The following CDNF variants were observed in gnomAD, a reference collection of about 807,000 sequenced individuals.
CDNF encodes cerebral dopamine neurotrophic factor.
Under a neutral mutation model 14.8 loss-of-function variants are expected in CDNF, and 9 were observed. That is an observed-to-expected ratio of 0.61 (90% CI 0.37 to 1.06). The LOEUF (loss-of-function observed/expected upper bound fraction) is 1.06, where lower values mean the gene tolerates loss of function less well. Ranked by LOEUF, CDNF falls within the 50% of genes least tolerant of loss-of-function variation. The probability of loss-of-function intolerance (pLI) is 0.01; values close to 1 mark genes in which losing one functional copy is unlikely to be tolerated. For synonymous variants in CDNF, 86 were observed against 87.2 expected, an observed-to-expected ratio of 0.99 and a Z score of 0.07; for missense variants, 228 against 228.4, an observed-to-expected ratio of 1.00 and a Z score of 0.01.
At chr10:14,831,532 CAT>C (rs1833843443) in intron 1 of CDNF, among the ~76,000 whole-genome samples, 1 of 148,716 alleles carries the variant, frequency 6.7e-6, no homozygotes, top group Non-Finnish European at 1.5e-5. Context: ...CATATATACA[CAT>C]ATATAATACA....
intron 3 of CDNF, among the ~76,000 whole-genome samples, chr10:14,821,859 G>A (rs1833741006): frequency 6.6e-6 from 1 of 152,176 alleles, no homozygotes; most frequent in African/African-American, 2.4e-5. Context: ...GATGGCCTTG[G>A]TTTGCGGCCA....
At position 14,828,251 on chromosome 10, in the gene CDNF, C is replaced by T. The variant is rs1482197007; in HGVS notation, c.137G>A (p.Arg46Gln). ...TCTGTCTATCAGTGACTTGTAGAAT[C>T]GGTTCAAGAATTCTTTACATACTGG... ...DCEVCKEFLN[R>Q]FYKSLIDRGV... Residue 46 changes from arginine to glutamine, a missense_variant, in exon 2 of 4, where the codon CGA (arginine) becomes CAA (glutamine). Transcript: ENST00000465530. The T allele has an allele frequency of 3.1e-6, 5 of 1,613,464 alleles. No individual in the cohort carries two copies. Among genetic ancestry groups the T allele is most frequent in the African/African-American group, 1.3e-5 (1 of 75,026 alleles).
chr10:14,823,618 C>T (rs1423481505), intron 3 of CDNF, among the ~76,000 whole-genome samples: 1 of 152,174 alleles, frequency 6.6e-6, no homozygotes, highest in Non-Finnish European at 1.5e-5. Context: ...GCCTTGACCT[C>T]CCAGGCTCAG....
chr10:14,828,485 A>G (rs963324059), intron 1 of CDNF, among the ~76,000 whole-genome samples: 4 of 151,930 alleles, frequency 2.6e-5, no homozygotes, highest in Admixed American at 2.0e-4. Flanking sequence ...TCTCTCTACT[A>G]AAATACAAAA....
At chr10:14,821,510 T>C (rs756886301) in intron 3 of CDNF, among the ~76,000 whole-genome samples, 6 of 152,196 alleles carry the variant, frequency 3.9e-5, no homozygotes, top group Non-Finnish European at 7.3e-5. Flanking sequence ...AGAGATGATT[T>C]AGAGTATACA....
In CDNF at chr10:14,826,020, AAGAAGAAGG is replaced by A. The variant is rs1564313230; in HGVS notation, c.244-409_244-401del. On this transcript the variant is annotated intron_variant, in intron 2 of 3. Coordinates refer to ENST00000465530, the MANE Select transcript of CDNF (RefSeq NM_001029954.3). ...GCAGCAGAAGAAGCAGAAGCAGAAG[AAGAAGAAGG>A]AGAAGAAGAAGAAGAAGAAGAAGAA... is the stretch of plus-strand genomic sequence containing the variant. 1.1e-3 allele frequency among the ~76,000 whole-genome samples: 120 copies of A among 113,298 alleles called. 2 individuals carry two copies. Among genetic ancestry groups the A allele is most frequent in the Middle Eastern group, 8.2e-3 (2 of 244 alleles). The allele number at this position is 113,298 out of a possible 152,430, so 74.3% of individuals were successfully genotyped here.
At position 14,822,797 on chromosome 10, in the gene CDNF, G is replaced by A. The variant is rs546470963; in HGVS notation, c.386-2639C>T. Reference sequence around the variant, plus strand: ...GTCAAATTATTTGTCAAAACCTTCCGGTAACTCTGTTCTAATTTAAAAGCT... The same window carrying A: ...GTCAAATTATTTGTCAAAACCTTCCAGTAACTCTGTTCTAATTTAAAAGCT... On this transcript the variant is annotated intron_variant, in intron 3 of 3. Transcript: ENST00000465530. 1.1e-4 allele frequency among the ~76,000 whole-genome samples: 16 copies of A among 152,114 alleles called. No homozygotes were observed. In the East Asian group the frequency reaches 1.2e-3, roughly 11 times the overall value.
chr10:14,827,326 C>T (rs1329472203), intron 2 of CDNF, among the ~76,000 whole-genome samples: 1 of 152,000 alleles, frequency 6.6e-6, no homozygotes, highest in Non-Finnish European at 1.5e-5. Flanking sequence ...ATGTAACTGA[C>T]AATCTGACAA....
Position 14,827,988 on chromosome 10 carries a change from A to G in CDNF, c.243+157T>C, listed in dbSNP as rs112162567. Among the ~76,000 whole-genome samples, 894 of 152,324 alleles carry G rather than the reference A, an allele frequency of 5.9e-3. 11 individuals are homozygous for G. The highest frequency in any genetic ancestry group is 0.02 in the African/African-American group (815 of 41,570). ...ATTCTGGATGAAAACACGCAGAACT[A>G]CATGTCACTGGAAGATGGATTTCTG... On this transcript the variant is annotated intron_variant, in intron 2 of 3. Coordinates refer to ENST00000465530, the MANE Select transcript of CDNF (RefSeq NM_001029954.3).
rs750632389 is a variant in CDNF, at chr10:14,837,915, G to C, written c.32C>G (p.Ala11Gly). MWCASPVAVVAFCAGLLVSHP... is the reference protein window; with the variant it reads MWCASPVAVVGFCAGLLVSHP... ...AGAGACCAAAAGCCCGGCGCAAAAG[G>C]CCACCACAGCAACTGGGCTCGCGCA... Residue 11 changes from alanine to glycine, a missense_variant, in exon 1 of 4, where the codon GCC becomes GGC. Coordinates refer to ENST00000465530, the MANE Select transcript of CDNF (RefSeq NM_001029954.3). 3 of 1,606,286 alleles carry C rather than the reference G, an allele frequency of 1.9e-6. No homozygotes were observed. Among genetic ancestry groups the C allele is most frequent in the Admixed American group, 3.4e-5 (2 of 59,512 alleles).
At chr10:14,825,750 G>C (rs1833774204) in intron 2 of CDNF, 130 bp from the exon 3 acceptor site, 3 of 965,520 alleles carry the variant, frequency 3.1e-6, no homozygotes, top group Non-Finnish European at 4.7e-6. Context: ...TGTAATCCCA[G>C]CACTTTGGGA....
At chr10:14,832,852 CTTTTTTTTT>C (rs918887413) in intron 1 of CDNF, among the ~76,000 whole-genome samples, 7 of 80,496 alleles carry the variant, frequency 8.7e-5, no homozygotes, top group African/African-American at 3.0e-4. Context: ...TCTTTTTTTG[CTTTTTTTTT>C]TTTTTTTTTT....
At chr10:14,824,263 A>G (rs1248014375) in intron 3 of CDNF, among the ~76,000 whole-genome samples, 1 of 152,186 alleles carries the variant, frequency 6.6e-6, no homozygotes, top group Non-Finnish European at 1.5e-5. Flanking sequence ...ATCATGATAA[A>G]AGATCTATCC....
chr10:14,832,538 G>A (rs1024255042), intron 1 of CDNF, among the ~76,000 whole-genome samples: 9 of 152,198 alleles, frequency 5.9e-5, no homozygotes, highest in African/African-American at 2.2e-4. Flanking sequence ...CAAGGAAGCA[G>A]AAAAGAAAGC....
chr10:14,831,737 G>A (rs918527108), intron 1 of CDNF, among the ~76,000 whole-genome samples: 12 of 151,976 alleles, frequency 7.9e-5, no homozygotes, highest in African/African-American at 2.7e-4. Flanking sequence ...ACCACACCCA[G>A]CTAAGTTTTT....
At chr10:14,823,208 GTC>G (rs1212538318) in intron 3 of CDNF, among the ~76,000 whole-genome samples, 1 of 152,146 alleles carries the variant, frequency 6.6e-6, no homozygotes, top group Non-Finnish European at 1.5e-5. Context: ...TTTTGTAAAT[GTC>G]AGTAGTTTCT....
chr10:14,824,053 T>C (rs1180750062), intron 3 of CDNF, among the ~76,000 whole-genome samples: 1 of 152,170 alleles, frequency 6.6e-6, no homozygotes, highest in East Asian at 1.9e-4. Context: ...TGTTGGAAAA[T>C]AAGACTAAAA....
At position 14,825,362 on chromosome 10, in the gene CDNF, T is replaced by C. The variant is rs1275286639; in HGVS notation, c.385+117A>G. 4.1e-5 allele frequency: 41 copies of C among 997,628 alleles called. No individual in the cohort carries two copies. In the South Asian group the frequency reaches 4.8e-4, roughly 12 times the overall value. The allele number at this position is 997,628 out of a possible 1,614,324, so 61.8% of individuals were successfully genotyped here. A position where few individuals can be genotyped will look rare whatever the true frequency, so the allele number is the denominator to read the frequency against. ...TACCATTCATCAGCCAAGCAACTTA[T>C]TGATGAGTGGTGAATTTCTTTCCTT... On this transcript the variant is annotated intron_variant, in intron 3 of 3. Coordinates refer to ENST00000465530, the MANE Select transcript of CDNF (RefSeq NM_001029954.3).
At chr10:14,833,910 G>C (rs1833865605) in intron 1 of CDNF, among the ~76,000 whole-genome samples, 1 of 152,178 alleles carries the variant, frequency 6.6e-6, no homozygotes, top group South Asian at 2.1e-4. Context: ...GTGTTAAAAG[G>C]AATGTGTAAT....
Sources: gnomAD v4.1 joint callset for allele counts (sites outside exome capture counted in the v4.1 genomes callset) on GRCh38, gnomAD v4.1.1 for gene constraint, MANE v1.5 for transcripts, NCBI Gene and HGNC (gene_info 2026-07-23, HGNC 2026-07-21) for gene names.